AKAP12: variants seen among roughly 807,000 people sequenced by gnomAD.
AKAP12 encodes A-kinase anchoring protein 12.
AKAP12 carries 32 observed loss-of-function variants against 79.9 expected under a neutral mutation model. That is an observed-to-expected ratio of 0.40 (90% CI 0.30 to 0.54). The LOEUF (loss-of-function observed/expected upper bound fraction) is 0.54. Among genes scored for constraint, AKAP12 ranks in the 20% least tolerant of loss-of-function variants. The pLI is 0.48. For missense variants in AKAP12, 2,074 were observed against 2,177.0 expected, an observed-to-expected ratio of 0.95 and a Z score of 0.94; for synonymous variants, 808 against 857.0, an observed-to-expected ratio of 0.94 and a Z score of 1.00.
intron 3 of AKAP12, among the ~76,000 whole-genome samples, chr6:151,345,956 A>AGG (rs1778091506): frequency 6.7e-6 from 1 of 150,132 alleles, no homozygotes; most frequent in African/African-American, 2.5e-5. Context: ...AGAGAGAGAG[A>AGG]GAGAGAGAAA....
At chr6:151,291,551 G>C (rs1450624486) in intron 2 of AKAP12, among the ~76,000 whole-genome samples, 1 of 152,206 alleles carries the variant, frequency 6.6e-6, no homozygotes, top group Non-Finnish European at 1.5e-5. Context: ...CTGTGCTCAA[G>C]CAGCAGCAGG....
chr6:151,342,161 C>T (rs1042332467), intron 3 of AKAP12, among the ~76,000 whole-genome samples: 1 of 152,220 alleles, frequency 6.6e-6, no homozygotes, highest in East Asian at 1.9e-4. Context: ...AGCGAAGTTG[C>T]CCTCACTGTA....
In AKAP12 at chr6:151,323,080, T is replaced by G. The variant is rs189233280; in HGVS notation, c.319+17177T>G. Among the ~76,000 whole-genome samples, 78 of 152,342 alleles carry G rather than the reference T, an allele frequency of 5.1e-4. No homozygotes were observed. The East Asian group carries it at 7.5e-3, about 15-fold the overall frequency. On this transcript the variant is annotated intron_variant, in intron 3 of 4. Transcript: ENST00000402676. ...ATCTTTACTCCTGCTTTTATCCTAA[T>G]TGATGACTTTTCTTTGTAAATGCAG...
rs767887767 is a variant in AKAP12, at chr6:151,345,928, TGTGTGAGAGA to T, written c.320-2781_320-2772del. On this transcript the variant is annotated intron_variant, in intron 3 of 4. Transcript: ENST00000402676. ...GTGTGTGTGTGTGTGTGTGTGTGTG[TGTGTGAGAGA>T]GAGAGAGAGAGAGAGAGAGAGAGAG... 5.3e-4 allele frequency among the ~76,000 whole-genome samples: 59 copies of T among 110,796 alleles called. No homozygotes were observed. In the Middle Eastern group the frequency reaches 0.013, roughly 25 times the overall value. 72.7% of individuals were successfully genotyped at this position (110,796 alleles called of 152,430 possible). A position where few individuals can be genotyped will look rare whatever the true frequency, so the allele number is the denominator to read the frequency against.
chr6:151,305,915 C>A lies in AKAP12; in HGVS notation c.319+12C>A. 1 of 1,595,192 alleles carries A rather than the reference C, an allele frequency of 6.3e-7. No individual in the cohort carries two copies. Among genetic ancestry groups the A allele is most frequent in the Non-Finnish European group, 8.5e-7 (1 of 1,170,618 alleles). On this transcript the variant is annotated intron_variant, in intron 3 of 4. Coordinates refer to ENST00000402676, the MANE Select transcript of AKAP12 (RefSeq NM_005100.4). ...CATTGTCACAGAGGGTAAGCCGCCC[C>A]TCCAGGAACTGGAAGGCACACAGCA...
chr6:151,350,371 C>T lies in AKAP12; in HGVS notation c.1980C>T (p.Ser660=), dbSNP rs1043201478. ...AAATGCAAGAAGAAATGAAAGGGAG[C>T]GTGGAAGAGCCAAAGCCGGAAGAAC... is the stretch of plus-strand genomic sequence containing the variant. The part of the protein sequence containing the change: ...ASEMQEEMKG[S]VEEPKPEEPK... The change falls in exon 4 of 5, where the codon AGC becomes AGT. Residue 660 remains serine (S), a synonymous_variant. Transcript: ENST00000402676. The surrounding 1 kb of genome is among the most constrained non-coding windows in gnomAD (Gnocchi z 4.8). 3.7e-6 allele frequency: 6 copies of T among 1,613,568 alleles called. No homozygotes were observed. Among genetic ancestry groups the T allele is most frequent in the Non-Finnish European group, 5.1e-6 (6 of 1,179,958 alleles).
chr6:151,255,013 A>G lies in AKAP12; in HGVS notation c.162+14289A>G, dbSNP rs548108289. Among the ~76,000 whole-genome samples, 4 of 152,292 alleles carry G rather than the reference A, an allele frequency of 2.6e-5. No individual in the cohort carries two copies. In the South Asian group the frequency reaches 8.3e-4, roughly 32 times the overall value. On this transcript the variant is annotated intron_variant, in intron 2 of 4. Transcript: ENST00000402676. ...TCTTCGCCCAGAATGCTTTAGTTGT[A>G]GGCAAATTTGGGGGCTGAATTAACT...
intron 2 of AKAP12, among the ~76,000 whole-genome samples, chr6:151,301,109 C>G (rs985977650): frequency 1.1e-4 from 17 of 152,254 alleles, no homozygotes; most frequent in Admixed American, 7.8e-4. Context: ...GGGTGGTCCT[C>G]GAATCCCATC....
intron 3 of AKAP12, among the ~76,000 whole-genome samples, chr6:151,346,992 A>G (rs1778117958): frequency 6.6e-6 from 1 of 151,948 alleles, no homozygotes; most frequent in Non-Finnish European, 1.5e-5. Context: ...GTTGTAACCC[A>G]TCAATGTCAT....
intron 3 of AKAP12, among the ~76,000 whole-genome samples, chr6:151,345,895 ATGTGTGTGTG>A (rs367643775): frequency 0.16 from 20,124 of 128,396 alleles, 1,843 homozygotes; most frequent in East Asian, 0.26. Context: ...GTGTGTGTAT[ATGTGTGTGTG>A]TGTGTGTGTG....
intron 2 of AKAP12, among the ~76,000 whole-genome samples, chr6:151,273,171 T>A (rs1255712850): frequency 6.6e-6 from 1 of 152,156 alleles, no homozygotes; most frequent in Non-Finnish European, 1.5e-5. Context: ...CCTCCCAAAG[T>A]GCTGAGATTA....
At chr6:151,336,897 G>T (rs182373479) in intron 3 of AKAP12, among the ~76,000 whole-genome samples, 2 of 152,212 alleles carry the variant, frequency 1.3e-5, no homozygotes, top group Admixed American at 1.3e-4. Flanking sequence ...CAGAGATTTT[G>T]CCCAAGGACC....
At chr6:151,337,207 A>T (rs565584464) in intron 3 of AKAP12, among the ~76,000 whole-genome samples, 34 of 151,928 alleles carry the variant, frequency 2.2e-4, no homozygotes, top group South Asian at 6.2e-4. Flanking sequence ...GTGATTTTTT[A>T]AAAAAAATAA....
chr6:151,354,226 A>G (rs1778381438), intron 4 of AKAP12, among the ~76,000 whole-genome samples: 2 of 151,980 alleles, frequency 1.3e-5, no homozygotes, highest in Non-Finnish European at 1.5e-5. Context: ...ATAGCTGATG[A>G]TAGCTCTTTC....
At chr6:151,262,093 G>C (rs1024656394) in intron 2 of AKAP12, among the ~76,000 whole-genome samples, 1 of 151,998 alleles carries the variant, frequency 6.6e-6, no homozygotes, top group Non-Finnish European at 1.5e-5. Context: ...GGGATTATAG[G>C]CATGTGCCAC....
At position 151,352,038 on chromosome 6, in the gene AKAP12, C is replaced by T; in HGVS notation, c.3647C>T (p.Ala1216Val). ...SGGTEAEAVP[A>V]QKERPPAPSS... ...GGCACAGAAGCAGAGGCAGTTCCTG[C>T]ACAGAAAGAGAGGCCTCCAGCACCT... Residue 1216 changes from alanine to valine, a missense_variant, in exon 4 of 5, where the codon GCA becomes GTA. Ala to Val is a moderately conservative substitution (Grantham distance 64). Around this residue, in one of 3 missense-constraint regions of AKAP12, gnomAD observed 614 missense variants for 665.6 expected, o/e 0.92. Coordinates refer to ENST00000402676, the MANE Select transcript of AKAP12 (RefSeq NM_005100.4). The T allele has an allele frequency of 1.2e-6, 2 of 1,614,058 alleles. No individual in the cohort carries two copies. Among genetic ancestry groups the T allele is most frequent in the South Asian group, 2.2e-5 (2 of 91,074 alleles).
intron 2 of AKAP12, among the ~76,000 whole-genome samples, chr6:151,292,702 C>A (rs1046258814): frequency 1.3e-5 from 2 of 152,212 alleles, no homozygotes; most frequent in Non-Finnish European, 1.5e-5. Context: ...TTGGAGTAAA[C>A]TTCTGTCTCC....
At chr6:151,343,932 A>G (rs775530348) in intron 3 of AKAP12, 3 of 458,088 alleles carry the variant, frequency 6.5e-6, no homozygotes, top group Admixed American at 6.1e-5. Context: ...AATACTATAC[A>G]TGCTTTAAAA....
At chr6:151,288,477 A>G (rs1421176065) in intron 2 of AKAP12, among the ~76,000 whole-genome samples, 1 of 152,152 alleles carries the variant, frequency 6.6e-6, no homozygotes, top group Non-Finnish European at 1.5e-5. Flanking sequence ...GCGCCGCTGT[A>G]CTCCAGCCTG....
Sources: gnomAD v4.1 joint callset for allele counts (sites outside exome capture counted in the v4.1 genomes callset) on GRCh38, gnomAD v4.1.1 for gene constraint, gnomAD v4.1.1 regional missense constraint, Gnocchi (gnomAD v3.1) non-coding constraint, MANE v1.5 for transcripts, NCBI Gene and HGNC (gene_info 2026-07-23, HGNC 2026-07-21) for gene names.